The following CLEC3B variants were observed in gnomAD, a reference collection of about 807,000 sequenced individuals.
The protein encoded by CLEC3B is C-type lectin domain family 3 member B.
Under a neutral mutation model 15.4 loss-of-function variants are expected in CLEC3B, and 13 were observed. That is an observed-to-expected ratio of 0.84 (90% CI 0.55 to 1.34). CLEC3B has a LOEUF of 1.34. Ranked by LOEUF, CLEC3B falls within the 40% of genes most tolerant of loss-of-function variation. The pLI, the probability that CLEC3B is intolerant of heterozygous loss-of-function variation, is 0.00. For synonymous variants in CLEC3B, 112 were observed against 114.7 expected, an observed-to-expected ratio of 0.98 and a Z score of 0.15; for missense variants, 242 against 268.6, an observed-to-expected ratio of 0.90 and a Z score of 0.69.
chr3:45,032,837 C>T (rs1321954807), intron 2 of CLEC3B, among the ~76,000 whole-genome samples: 1 of 152,204 alleles, frequency 6.6e-6, no homozygotes, highest in Admixed American at 6.5e-5. Flanking sequence ...AGAAGTTTCA[C>T]CTCATGGTCT....
Position 45,034,022 on chromosome 3 carries a change from C to T in CLEC3B, c.209-1502C>T, listed in dbSNP as rs147824107. 6.1e-4 allele frequency among the ~76,000 whole-genome samples: 93 copies of T among 152,268 alleles called. No individual in the cohort carries two copies. The South Asian group carries it at 6.2e-3, about 10-fold the overall frequency. On this transcript the variant is annotated intron_variant, in intron 2 of 2. Transcript: ENST00000296130. ...ATGACCCTTCGGCACTGTCCTGAGT[C>T]GGGGCAAGAGGGCTTATGGGTCAGT...
At chr3:45,030,774 G>T in intron 1 of CLEC3B, 53 bp from the exon 2 acceptor site, 2 of 1,270,126 alleles carry the variant, frequency 1.6e-6, no homozygotes, top group South Asian at 2.6e-5. Flanking sequence ...GCTAAGGTAG[G>T]ATCCTTCCTG....
At chr3:45,035,354 C>G (rs1248265067) in intron 2 of CLEC3B, among the ~76,000 whole-genome samples, 170 bp from the exon 3 acceptor site, 2 of 152,120 alleles carry the variant, frequency 1.3e-5, no homozygotes, top group African/African-American at 4.8e-5. Context: ...ACAGCCAGGT[C>G]CTCAAAGTGC....
intron 1 of CLEC3B, among the ~76,000 whole-genome samples, chr3:45,027,252 GAAAC>G (rs1282129282): frequency 6.6e-6 from 1 of 152,210 alleles, no homozygotes; most frequent in Non-Finnish European, 1.5e-5. Context: ...CTGAGGCAGA[GAAAC>G]AAGCAGCTAG....
intron 2 of CLEC3B, 108 bp from the exon 3 acceptor site, chr3:45,035,416 T>C: frequency 6.9e-7 from 1 of 1,442,800 alleles, no homozygotes; most frequent in Non-Finnish European, 9.3e-7. Flanking sequence ...TCAGGACTGA[T>C]GGGATAAACG....
At position 45,030,916 on chromosome 3, in the gene CLEC3B, C is replaced by T; in HGVS notation, c.199C>T (p.Leu67=). The T allele has an allele frequency of 6.4e-7, 1 of 1,573,792 alleles. No individual in the cohort carries two copies. The highest frequency in any genetic ancestry group is 1.2e-5 in the South Asian group (1 of 85,710). Residue 67 remains leucine (L), a synonymous_variant, in exon 2 of 3, where the codon CTG becomes TTG. Transcript: ENST00000296130. ...GGCCCTGCTGAAGGAGCAGCAGGCC[C>T]TGCAGACGGGTGAGTGCAGGCAGTA... The part of the protein sequence containing the change: ...EVALLKEQQA[L]QTVCLKGTKV...
At chr3:45,034,556 A>G (rs930172835) in intron 2 of CLEC3B, 1 of 152,252 alleles carries the variant, frequency 6.6e-6, no homozygotes, top group African/African-American at 2.4e-5. Flanking sequence ...TAAAAGGTGA[A>G]CGATTTATAC....
Position 45,035,947 on chromosome 3 carries a change from GGGCCTGGAGGAGGGCAGGGGCCGCGGGA to G in CLEC3B, c.*28_*55del. 1 of 1,556,116 alleles carries G rather than the reference GGGCCTGGAGGAGGGCAGGGGCCGCGGGA, an allele frequency of 6.4e-7. No homozygotes were observed. Among genetic ancestry groups the G allele is most frequent in the South Asian group, 1.2e-5 (1 of 85,272 alleles). On this transcript the variant is annotated 3_prime_UTR_variant, in exon 3 of 3. Transcript: ENST00000296130. ...TAGCCGGCGGGGCGGGGGCCGTGGG[GGGCCTGGAGGAGGGCAGGGGCCGCGGGA>G]GGCCGGGAGGAGGGTGGGGACCTTG...
At position 45,036,019 on chromosome 3, in the gene CLEC3B, T is replaced by A. The variant is rs975568516; in HGVS notation, c.*95T>A. 7.5e-7 allele frequency: 1 copy of A among 1,337,924 alleles called. No homozygotes were observed. The highest frequency in any genetic ancestry group is 9.9e-7 in the Non-Finnish European group (1 of 1,007,564). 82.9% of individuals were successfully genotyped at this position (1,337,924 alleles called of 1,614,324 possible). On this transcript the variant is annotated 3_prime_UTR_variant, in exon 3 of 3. Transcript: ENST00000296130. ...GACCTTGCAGCCCCCATCCTCTCCG[T>A]GCGCTTGGAGCCTCTTTTTGCAAAT...
chr3:45,026,685 C>T (rs1313281434), intron 1 of CLEC3B, among the ~76,000 whole-genome samples: 2 of 152,186 alleles, frequency 1.3e-5, no homozygotes, highest in East Asian at 3.9e-4. Flanking sequence ...GAAGAACCTT[C>T]CAGATCATCC....
intron 1 of CLEC3B, among the ~76,000 whole-genome samples, chr3:45,029,407 C>T (rs746966272): frequency 6.6e-6 from 1 of 152,224 alleles, no homozygotes; most frequent in Non-Finnish European, 1.5e-5. Context: ...TATGCTGGTA[C>T]ATCACGTGAC....
chr3:45,031,653 C>T (rs1697557079), intron 2 of CLEC3B, among the ~76,000 whole-genome samples: 1 of 152,212 alleles, frequency 6.6e-6, no homozygotes, highest in Admixed American at 6.5e-5. Context: ...GAACAGGGCC[C>T]AGGCGCATGG....
rs1450507591 is a variant in CLEC3B at position 45,035,851 on chromosome 3, C to T, written c.536C>T (p.Ala179Val). 3.1e-6 allele frequency: 5 copies of T among 1,612,648 alleles called. No individual in the cohort carries two copies. The East Asian group carries it at 6.7e-5, about 22-fold the overall frequency. Residue 179 changes from alanine (A) to valine (V), a missense_variant, in exon 3 of 3, where the codon GCG becomes GTG. By Grantham distance (64) the Ala-to-Val change is moderately conservative. Coordinates refer to ENST00000296130, the MANE Select transcript of CLEC3B (RefSeq NM_003278.3). The stretch of plus-strand genomic sequence containing the variant: ...GAGAACTGCGCGGTCCTGTCAGGCG[C>T]GGCCAACGGCAAGTGGTTCGACAAG... The part of the protein sequence containing the change: ...KTENCAVLSG[A>V]ANGKWFDKRC...
Position 45,035,673 on chromosome 3 carries a change from T to C in CLEC3B, c.358T>C (p.Tyr120His), listed in dbSNP as rs984343774. 1 of 1,613,626 alleles carries C rather than the reference T, an allele frequency of 6.2e-7. No individual in the cohort carries two copies. The highest frequency in any genetic ancestry group is 8.5e-7 in the Non-Finnish European group (1 of 1,179,998). The change falls in exon 3 of 3, where the codon TAC becomes CAC. Residue 120 changes from tyrosine (Y) to histidine (H), a missense_variant. Transcript: ENST00000296130. ...TGSENDALYEYLRQSVGNEAE... is the reference protein window; with the variant it reads ...TGSENDALYEHLRQSVGNEAE... ...CTCGGAGAACGACGCCCTGTATGAGTACCTGCGCCAGAGCGTGGGCAACGA... is the reference window on the plus strand; with the variant it reads ...CTCGGAGAACGACGCCCTGTATGAGCACCTGCGCCAGAGCGTGGGCAACGA...
intron 1 of CLEC3B, among the ~76,000 whole-genome samples, chr3:45,029,029 C>A (rs1415980179): frequency 6.6e-6 from 1 of 152,106 alleles, no homozygotes; most frequent in African/African-American, 2.4e-5. Context: ...ACTGGGGGAA[C>A]CTGGAGGGCA....
intron 1 of CLEC3B, 46 bp downstream of exon 1, chr3:45,026,517 C>T (rs779081201): frequency 6.6e-7 from 1 of 1,517,558 alleles, no homozygotes; most frequent in Non-Finnish European, 9.1e-7. Context: ...GGGAGCAGGT[C>T]CCCCTCTCCT....
At chr3:45,027,816 A>G (rs1027094794) in intron 1 of CLEC3B, among the ~76,000 whole-genome samples, 20 of 152,358 alleles carry the variant, frequency 1.3e-4, no homozygotes, top group Middle Eastern at 3.4e-3. Flanking sequence ...AGCCTTTGTA[A>G]AAGATGCAGC....
chr3:45,032,279 C>T (rs1278382130), intron 2 of CLEC3B, among the ~76,000 whole-genome samples: 1 of 152,186 alleles, frequency 6.6e-6, no homozygotes, highest in East Asian at 1.9e-4. Context: ...CATATGCTTT[C>T]CTTCAGCATT....
At chr3:45,027,469 G>A (rs564480569) in intron 1 of CLEC3B, among the ~76,000 whole-genome samples, 3 of 152,200 alleles carry the variant, frequency 2.0e-5, no homozygotes, top group South Asian at 2.1e-4. Flanking sequence ...TCAAGATTCA[G>A]TTTACAAAGT....
Sources: allele counts gnomAD v4.1 joint callset (sites outside exome capture counted in the v4.1 genomes callset), GRCh38; gene constraint gnomAD v4.1.1; transcripts MANE v1.5; gene names NCBI Gene and HGNC (gene_info 2026-07-23, HGNC 2026-07-21).